Variants in RIPOR2 observed in about 807,000 individuals in gnomAD.
RIPOR2 encodes RHO family interacting cell polarization regulator 2.
Under a neutral mutation model 114.5 loss-of-function variants are expected in RIPOR2, and 39 were observed. That is an observed-to-expected ratio of 0.34 (90% CI 0.26 to 0.44). The LOEUF (loss-of-function observed/expected upper bound fraction) is 0.44. RIPOR2 is among the 20% of genes least tolerant of loss of function. RIPOR2 has a pLI of 1.00. For synonymous variants in RIPOR2, 445 were observed against 484.4 expected (o/e 0.92, Z 1.07); for missense variants, 1,007 against 1,255.1 (o/e 0.80, Z 2.99).
At chr6:24,821,826 C>T (rs1305123799) in intron 19 of RIPOR2, among the ~76,000 whole-genome samples, 1 of 152,242 alleles carries the variant, frequency 6.6e-6, no homozygotes, top group Non-Finnish European at 1.5e-5. Flanking sequence ...GGTGGATATA[C>T]ACCAAGGTCA....
At chr6:25,014,764 C>T (rs767407445) in intron 1 of RIPOR2, among the ~76,000 whole-genome samples, 1 of 152,108 alleles carries the variant, frequency 6.6e-6, no homozygotes, top group Non-Finnish European at 1.5e-5. Flanking sequence ...CCTAAATGAT[C>T]GAAAGTTGTG....
chr6:24,948,281 A>G (rs1169549328), intron 1 of RIPOR2: 1 of 152,218 alleles, frequency 6.6e-6, no homozygotes, highest in Non-Finnish European at 1.5e-5. Context: ...TTGATAACCA[A>G]ACAATTCTCC....
intron 1 of RIPOR2, among the ~76,000 whole-genome samples, chr6:24,955,041 G>A (rs1772967064): frequency 6.6e-6 from 1 of 152,182 alleles, no homozygotes; most frequent in Non-Finnish European, 1.5e-5. Flanking sequence ...AGTATGTGTA[G>A]ATGTGCTTAG....
chr6:24,857,431 CAT>C (rs1763584570), intron 8 of RIPOR2, among the ~76,000 whole-genome samples: 1 of 152,148 alleles, frequency 6.6e-6, no homozygotes, highest in South Asian at 2.1e-4. Context: ...ACGGCGCTCA[CAT>C]ATTACTGATC....
chr6:24,871,910 C>T (rs1253442700), intron 4 of RIPOR2, among the ~76,000 whole-genome samples: 1 of 152,158 alleles, frequency 6.6e-6, no homozygotes, highest in Non-Finnish European at 1.5e-5. Flanking sequence ...ACAGGGGTTC[C>T]ACATAGATGC....
rs939338314 is a variant in RIPOR2 at position 24,850,847 on chromosome 6, C to T, written c.760-125G>A. Reference sequence around the variant, plus strand: ...CTCCGCTTCTCCCTTACTCTCCCTCCACCCCCTTACTCTTGGGTGTGAATG... The same window carrying T: ...CTCCGCTTCTCCCTTACTCTCCCTCTACCCCCTTACTCTTGGGTGTGAATG... On this transcript the variant is annotated intron_variant, in intron 9 of 21. Coordinates refer to ENST00000643898, the MANE Select transcript of RIPOR2 (RefSeq NM_001286445.3). 1.4e-4 allele frequency: 152 copies of T among 1,083,146 alleles called. 1 individual carries two copies. Among genetic ancestry groups the T allele is most frequent in the South Asian group, 1.0e-3 (76 of 72,948 alleles). 67.1% of individuals were successfully genotyped at this position (1,083,146 alleles called of 1,614,324 possible). A position where few individuals can be genotyped will look rare whatever the true frequency, so the allele number is the denominator to read the frequency against.
At chr6:24,920,527 T>C (rs886523562) in intron 1 of RIPOR2, among the ~76,000 whole-genome samples, 2 of 152,224 alleles carry the variant, frequency 1.3e-5, no homozygotes, top group Non-Finnish European at 2.9e-5. Context: ...ACTGAACTCA[T>C]GGTCTTATGG....
chr6:24,838,366 T>C (rs67917914), intron 14 of RIPOR2, among the ~76,000 whole-genome samples: 42,739 of 152,070 alleles, frequency 0.28, 6,652 homozygotes, highest in Non-Finnish European at 0.36. Context: ...ACAAAGGCAG[T>C]GGAAGTAAAG....
chr6:25,003,339 C>T (rs1017370793), intron 1 of RIPOR2, among the ~76,000 whole-genome samples: 3 of 151,510 alleles, frequency 2.0e-5, no homozygotes, highest in African/African-American at 7.3e-5. Context: ...ACTCTTTCCT[C>T]TTTGAAAGAG....
intron 1 of RIPOR2, among the ~76,000 whole-genome samples, chr6:25,017,369 C>T (rs563622914): frequency 7.2e-5 from 11 of 152,166 alleles, no homozygotes. Flanking sequence ...CGGTTGTTTG[C>T]CACAGTCCTC....
At chr6:24,950,985 CA>C (rs1772720875) in intron 1 of RIPOR2, among the ~76,000 whole-genome samples, 1 of 152,214 alleles carries the variant, frequency 6.6e-6, no homozygotes, top group African/African-American at 2.4e-5. Context: ...TCCTAGAAGA[CA>C]AAGGTCAGCC....
intron 1 of RIPOR2, among the ~76,000 whole-genome samples, chr6:24,901,372 A>C (rs890911080): frequency 1.3e-5 from 2 of 151,978 alleles, no homozygotes; most frequent in Admixed American, 1.3e-4. Flanking sequence ...ACCAAAGAAC[A>C]AAACCAAACC....
At chr6:24,898,586 A>T (rs1768106059) in intron 1 of RIPOR2, 1 of 152,212 alleles carries the variant, frequency 6.6e-6, no homozygotes, top group African/African-American at 2.4e-5. Context: ...GGGATAAGAA[A>T]ATAAGAATGA....
intron 6 of RIPOR2, among the ~76,000 whole-genome samples, chr6:24,866,927 A>G (rs1764665273): frequency 6.6e-6 from 1 of 152,204 alleles, no homozygotes; most frequent in Non-Finnish European, 1.5e-5. Context: ...TAGATTTCAG[A>G]GTTTAAGAGT....
At chr6:24,897,747 A>G (rs1768028019) in intron 1 of RIPOR2, among the ~76,000 whole-genome samples, 1 of 152,042 alleles carries the variant, frequency 6.6e-6, no homozygotes, top group Admixed American at 6.5e-5. Flanking sequence ...GGTCACAGTT[A>G]GTGTTTTTAT....
chr6:24,812,393 A>C (rs1781233738), intron 20 of RIPOR2, among the ~76,000 whole-genome samples: 1 of 44,938 alleles, frequency 2.2e-5, no homozygotes, highest in Admixed American at 3.2e-4. Flanking sequence ...ATGATATCTC[A>C]TAGTGGTTTT....
At chr6:24,860,549 T>C (rs1027381719) in intron 8 of RIPOR2, among the ~76,000 whole-genome samples, 4 of 152,230 alleles carry the variant, frequency 2.6e-5, no homozygotes, top group African/African-American at 9.7e-5. Context: ...ATCGTGGTTA[T>C]GTAAGATGAC....
chr6:24,917,337 A>T (rs1053316454), intron 1 of RIPOR2, among the ~76,000 whole-genome samples: 1 of 152,246 alleles, frequency 6.6e-6, no homozygotes, highest in African/African-American at 2.4e-5. Context: ...GCAAAATGTT[A>T]ACTTTACAAA....
intron 1 of RIPOR2, among the ~76,000 whole-genome samples, chr6:24,880,211 G>A (rs1006776730): frequency 7.2e-5 from 11 of 152,200 alleles, no homozygotes; most frequent in African/African-American, 2.6e-4. Flanking sequence ...TAATAGTAAT[G>A]GAAAAATGGG....
Sources: gnomAD v4.1 joint callset for allele counts (sites outside exome capture counted in the v4.1 genomes callset) on GRCh38, gnomAD v4.1.1 for gene constraint, MANE v1.5 for transcripts, NCBI Gene and HGNC (gene_info 2026-07-23, HGNC 2026-07-21) for gene names.